Variants in DENND1B observed in about 807,000 individuals in gnomAD.
DENND1B encodes the protein DENN domain-containing protein 1B.
Under a neutral mutation model 90.1 loss-of-function variants are expected in DENND1B, and 59 were observed. The observed-to-expected ratio is 0.65, with a 90% CI of 0.53 to 0.81. DENND1B has a LOEUF of 0.81. Among genes scored for constraint, DENND1B ranks in the 40% least tolerant of loss-of-function variants. The pLI is 0.00. For missense variants in DENND1B, 862 were observed against 912.6 expected (o/e 0.94, Z 0.71); for synonymous variants, 337 against 324.6 (o/e 1.04, Z -0.41).
At chr1:197,584,415 A>G (rs981156197) in intron 14 of DENND1B, among the ~76,000 whole-genome samples, 2 of 152,202 alleles carry the variant, frequency 1.3e-5, no homozygotes, top group Non-Finnish European at 2.9e-5. Context: ...CAGTCATACT[A>G]GCCACATTTG....
At chr1:197,678,290 A>G (rs962876039) in intron 3 of DENND1B, among the ~76,000 whole-genome samples, 1 of 152,220 alleles carries the variant, frequency 6.6e-6, no homozygotes, top group South Asian at 2.1e-4. Flanking sequence ...TGTTTATACT[A>G]AAGTTCTCAA....
chr1:197,682,314 T>C (rs536598902), intron 3 of DENND1B, among the ~76,000 whole-genome samples: 1 of 152,146 alleles, frequency 6.6e-6, no homozygotes, highest in Non-Finnish European at 1.5e-5. Context: ...TAACTGATTG[T>C]TCATTCAGTT....
chr1:197,754,209 T>C (rs113766312), intron 2 of DENND1B, among the ~76,000 whole-genome samples: 2,214 of 152,178 alleles, frequency 0.015, 54 homozygotes, highest in African/African-American at 0.051. Context: ...TGGAGAACTG[T>C]GGTACACAGA....
intron 7 of DENND1B, among the ~76,000 whole-genome samples, chr1:197,649,788 C>T (rs1652912238): frequency 6.6e-6 from 1 of 152,060 alleles, no homozygotes; most frequent in South Asian, 2.1e-4. Context: ...ACTGGAAAAA[C>T]CCTTCTAGAC....
At chr1:197,615,656 A>G (rs1489821449) in intron 11 of DENND1B, among the ~76,000 whole-genome samples, 1 of 150,848 alleles carries the variant, frequency 6.6e-6, no homozygotes, top group African/African-American at 2.4e-5. Flanking sequence ...AAAACTGTTT[A>G]CCCTAGGAAA....
chr1:197,664,376 A>T (rs950207549), intron 5 of DENND1B, among the ~76,000 whole-genome samples: 1 of 152,146 alleles, frequency 6.6e-6, no homozygotes, highest in African/African-American at 2.4e-5. Context: ...TTGCCAACAT[A>T]TATAAATGTA....
At chr1:197,665,790 AAGAT>A (rs755885306) in intron 5 of DENND1B, among the ~76,000 whole-genome samples, 2 of 152,126 alleles carry the variant, frequency 1.3e-5, no homozygotes, top group African/African-American at 2.4e-5. Flanking sequence ...CAAACAGTAG[AAGAT>A]AGCTCACAAA....
intron 2 of DENND1B, among the ~76,000 whole-genome samples, chr1:197,730,905 G>A (rs1363453679): frequency 6.6e-6 from 1 of 151,922 alleles, no homozygotes; most frequent in Non-Finnish European, 1.5e-5. Context: ...TTTTTGAGAT[G>A]TCTGAATTTT....
chr1:197,758,931 C>G (rs1419107229), intron 2 of DENND1B, among the ~76,000 whole-genome samples: 1 of 144,640 alleles, frequency 6.9e-6, no homozygotes. Flanking sequence ...AAAAGCACAA[C>G]TTTTCCCAAA....
intron 5 of DENND1B, among the ~76,000 whole-genome samples, chr1:197,670,443 C>CTCTGTGTGTGTGTG (rs759953644): frequency 6.0e-5 from 6 of 99,538 alleles, no homozygotes; most frequent in East Asian, 3.5e-4. Flanking sequence ...GGGGGGAAGA[C>CTCTGTGTGTGTGTG]TGTGTGTGTG....
intron 2 of DENND1B, among the ~76,000 whole-genome samples, chr1:197,768,807 A>T (rs1242512458): frequency 6.6e-6 from 1 of 151,772 alleles, no homozygotes; most frequent in African/African-American, 2.4e-5. Context: ...TTTGTAGAGC[A>T]CTCCATATGA....
intron 20 of DENND1B, among the ~76,000 whole-genome samples, chr1:197,527,502 G>A (rs1388369191): frequency 6.6e-6 from 1 of 151,824 alleles, no homozygotes; most frequent in African/African-American, 2.4e-5. Flanking sequence ...GGCTGGTCTC[G>A]AACTCCTGAC....
chr1:197,771,132 G>A (rs950141969), intron 2 of DENND1B, among the ~76,000 whole-genome samples: 48 of 151,920 alleles, frequency 3.2e-4, no homozygotes, highest in African/African-American at 1.1e-3. Context: ...GGCTGGTCTC[G>A]AACTCCTGGC....
chr1:197,606,972 A>T (rs1476512582), intron 13 of DENND1B, 101 bp downstream of exon 13: 8 of 820,000 alleles, frequency 9.8e-6, no homozygotes, highest in Non-Finnish European at 1.6e-5. Flanking sequence ...CAAATACCCA[A>T]CCCTTTTATT....
At chr1:197,756,340 G>C (rs1433550723) in intron 2 of DENND1B, among the ~76,000 whole-genome samples, 1 of 152,002 alleles carries the variant, frequency 6.6e-6, no homozygotes, top group Non-Finnish European at 1.5e-5. Context: ...TCTGGGAGGA[G>C]GAGGCAGGCA....
At chr1:197,718,170 C>T (rs975016245) in intron 2 of DENND1B, among the ~76,000 whole-genome samples, 1 of 151,836 alleles carries the variant, frequency 6.6e-6, no homozygotes, top group Non-Finnish European at 1.5e-5. Context: ...TCCAATAATT[C>T]ACAAATTTTT....
intron 10 of DENND1B, among the ~76,000 whole-genome samples, chr1:197,632,109 A>C (rs1484739194): frequency 6.6e-6 from 1 of 152,074 alleles, no homozygotes; most frequent in East Asian, 1.9e-4. Flanking sequence ...TTATTACTGT[A>C]ACAATCTTTT....
chr1:197,544,507 C>A (rs1233160666), intron 18 of DENND1B, among the ~76,000 whole-genome samples: 1 of 152,018 alleles, frequency 6.6e-6, no homozygotes, highest in Non-Finnish European at 1.5e-5. Context: ...TTTACTTTAT[C>A]ATTTATTATT....
At chr1:197,772,687 T>C (rs1015959272) in intron 2 of DENND1B, among the ~76,000 whole-genome samples, 181 bp downstream of exon 2, 3 of 152,056 alleles carry the variant, frequency 2.0e-5, no homozygotes, top group African/African-American at 4.8e-5. Context: ...TAGCTGAGCA[T>C]GGTGGTGTGC....
Sources: gnomAD v4.1 joint callset for allele counts (sites outside exome capture counted in the v4.1 genomes callset) on GRCh38, gnomAD v4.1.1 for gene constraint, MANE v1.5 for transcripts, NCBI Gene and HGNC (gene_info 2026-07-23, HGNC 2026-07-21) for gene names.